ACSS1: variants seen among roughly 807,000 people sequenced by gnomAD.
ACSS1 encodes acyl-CoA synthetase short chain family member 1, also known as acetyl-coenzyme A synthetase 2-like, mitochondrial.
A neutral mutation model predicts 75.3 loss-of-function variants in ACSS1; 42 were observed. The ratio of observed to expected loss-of-function variants is 0.56; its 90% CI spans 0.44 to 0.72. ACSS1 has a LOEUF of 0.72. Among genes scored for constraint, ACSS1 ranks in the 30% least tolerant of loss-of-function variants. The pLI is 0.00. For missense variants in ACSS1, 782 were observed against 935.7 expected, an observed-to-expected ratio of 0.84 and a Z score of 2.14; for synonymous variants, 380 against 376.8, an observed-to-expected ratio of 1.01 and a Z score of -0.10.
At chr20:25,008,639 G>T (rs1418743233) in intron 13 of ACSS1, among the ~76,000 whole-genome samples, 1 of 152,246 alleles carries the variant, frequency 6.6e-6, no homozygotes, top group South Asian at 2.1e-4. Flanking sequence ...ATGAAAAGCC[G>T]GGGGTTGAAG....
Position 25,006,809 on chromosome 20 carries a change from A to T in ACSS1, c.*953T>A. On this transcript the variant is annotated 3_prime_UTR_variant, in exon 14 of 14. Transcript: ENST00000323482. ...GACCTCAGTGGTTCTCACCGCCCCA[A>T]CCACAGAGTGAAGGTCAGGCAGCGT... 1 of 1,534,480 alleles carries T rather than the reference A, an allele frequency of 6.5e-7. No homozygotes were observed. The highest frequency in any genetic ancestry group is 8.7e-7 in the Non-Finnish European group (1 of 1,145,944).
chr20:25,032,744 A>T, intron 2 of ACSS1: 4 of 1,071,276 alleles, frequency 3.7e-6, no homozygotes, highest in Non-Finnish European at 4.5e-6. Context: ...CACCCGGGAA[A>T]CCACAGCAGA....
At chr20:25,023,876 A>T (rs187273929) in intron 3 of ACSS1, among the ~76,000 whole-genome samples, 13 of 152,302 alleles carry the variant, frequency 8.5e-5, no homozygotes, top group South Asian at 8.3e-4. Context: ...GAGATAAATT[A>T]CTTTGAAGCT....
rs1370311880 is a variant in ACSS1, at chr20:25,007,348, A to G, written c.*414T>C. 2 of 1,074,002 alleles carry G rather than the reference A, an allele frequency of 1.9e-6. No individual in the cohort carries two copies. Among genetic ancestry groups the G allele is most frequent in the East Asian group, 1.4e-4 (2 of 14,386 alleles). The allele number at this position is 1,074,002 out of a possible 1,614,324, so 66.5% of individuals were successfully genotyped here. A position where few individuals can be genotyped will look rare whatever the true frequency, so the allele number is the denominator to read the frequency against. On this transcript the variant is annotated 3_prime_UTR_variant, in exon 14 of 14. Coordinates refer to ENST00000323482, the MANE Select transcript of ACSS1 (RefSeq NM_032501.4). Reference sequence around the variant, plus strand: ...TCCACAATATAAAAGTATAAAAATAAGATTTCTGACCTTTGTATCTAGACA... The same window carrying G: ...TCCACAATATAAAAGTATAAAAATAGGATTTCTGACCTTTGTATCTAGACA...
intron 5 of ACSS1, among the ~76,000 whole-genome samples, chr20:25,022,374 A>G (rs2088638263): frequency 6.6e-6 from 1 of 151,674 alleles, no homozygotes; most frequent in East Asian, 1.9e-4. Flanking sequence ...ACAAAACAAA[A>G]CAAAACAAAA....
chr20:25,044,969 CGCG>C (rs1460663256), intron 2 of ACSS1, among the ~76,000 whole-genome samples: 1 of 152,216 alleles, frequency 6.6e-6, no homozygotes, highest in Non-Finnish European at 1.5e-5. Context: ...GGGGCAAAAC[CGCG>C]GCAGGGGAGG....
Position 25,015,154 on chromosome 20 carries a change from G to A in ACSS1, c.1323C>T (p.Asp441=), listed in dbSNP as rs751460946. The change falls in exon 8 of 14, where the codon GAC becomes GAT. Residue 441 remains aspartate, a synonymous_variant. Coordinates refer to ENST00000323482, the MANE Select transcript of ACSS1 (RefSeq NM_032501.4). Reference sequence around the variant, plus strand: ...CCTCCTCACCTGTCTGCCACCAGGTGTCCACCAGCGTGCACCTGCTGTCCC... The same window carrying A: ...CCTCCTCACCTGTCTGCCACCAGGTATCCACCAGCGTGCACCTGCTGTCCC... ...VVGDSRCTLV[D]TWWQTETGGI... is the part of the protein sequence containing the mutation. The A allele has an allele frequency of 6.2e-7, 1 of 1,611,920 alleles. No individual in the cohort carries two copies. Among genetic ancestry groups the A allele is most frequent in the Admixed American group, 1.7e-5 (1 of 59,912 alleles).
intron 7 of ACSS1, among the ~76,000 whole-genome samples, chr20:25,016,032 C>T (rs934883821): frequency 1.3e-5 from 2 of 152,230 alleles, no homozygotes; most frequent in African/African-American, 4.8e-5. Flanking sequence ...ATGTTAGAAA[C>T]CACACACATC....
At chr20:25,012,747 C>A in intron 11 of ACSS1, 65 bp downstream of exon 11, 1 of 1,612,948 alleles carries the variant, frequency 6.2e-7, no homozygotes. Context: ...CCCACCCCAA[C>A]TTGCAGGTCC....
intron 3 of ACSS1, among the ~76,000 whole-genome samples, chr20:25,028,778 G>C (rs80268933): frequency 0.036 from 5,521 of 152,200 alleles, 171 homozygotes; most frequent in African/African-American, 0.079. Flanking sequence ...AAATTAGCTC[G>C]ATGCAGTGGC....
At chr20:25,013,749 C>T (rs1388054682) in intron 9 of ACSS1, 87 bp from the exon 10 acceptor site, 1 of 1,494,942 alleles carries the variant, frequency 6.7e-7, no homozygotes. Context: ...CTCAAGGGAG[C>T]TGTCCATAGC....
At chr20:25,053,356 C>T (rs543174287) in intron 1 of ACSS1, among the ~76,000 whole-genome samples, 4 of 151,984 alleles carry the variant, frequency 2.6e-5, no homozygotes, top group East Asian at 1.9e-4. Flanking sequence ...TGAGCCACGG[C>T]GCCTGGCCCA....
At position 25,041,183 on chromosome 20, in the gene ACSS1, A is replaced by G. The variant is rs569731401; in HGVS notation, c.431+6902T>C. ...TGAGGCAGGAGAATGGCGTGAACCCAGGAGGCGGAGCTTTCAGTGAGCCGA... is the reference window on the plus strand; with the variant it reads ...TGAGGCAGGAGAATGGCGTGAACCCGGGAGGCGGAGCTTTCAGTGAGCCGA... On this transcript the variant is annotated intron_variant, in intron 2 of 13. Transcript: ENST00000323482. Among the ~76,000 whole-genome samples the G allele has an allele frequency of 5.3e-5, 8 of 150,686 alleles. No homozygotes were observed. In the East Asian group the frequency reaches 1.2e-3, roughly 23 times the overall value.
At position 25,006,663 on chromosome 20, in the gene ACSS1, C is replaced by A. The variant is rs921043536; in HGVS notation, c.*1099G>T. On this transcript the variant is annotated 3_prime_UTR_variant, in exon 14 of 14. Transcript: ENST00000323482. ...CCTGCCAACCGCCAGCCCCTGCATG[C>A]CTAGCAGGGAGGTAAGCACCCACTG... 6.5e-6 allele frequency: 5 copies of A among 763,962 alleles called. No homozygotes were observed. The highest frequency in any genetic ancestry group is 1.8e-5 in the African/African-American group (1 of 56,558). 47.3% of individuals were successfully genotyped at this position (763,962 alleles called of 1,614,324 possible).
chr20:25,019,571 C>T (rs112449422), intron 7 of ACSS1, among the ~76,000 whole-genome samples: 34 of 152,138 alleles, frequency 2.2e-4, no homozygotes, highest in East Asian at 1.2e-3. Flanking sequence ...CAGGCTGGAG[C>T]GCAGTGGTGC....
At position 25,007,669 on chromosome 20, in the gene ACSS1, C is replaced by T. The variant is rs754206027; in HGVS notation, c.*93G>A. The T allele has an allele frequency of 9.1e-5, 140 of 1,543,454 alleles. No homozygotes were observed. The highest frequency in any genetic ancestry group is 7.6e-5 in the Non-Finnish European group (87 of 1,147,858). On this transcript the variant is annotated 3_prime_UTR_variant, in exon 14 of 14. Coordinates refer to ENST00000323482, the MANE Select transcript of ACSS1 (RefSeq NM_032501.4). ...TGTGGGGTGGGGGCTGCTTCTGGGA[C>T]GTAGGAAGACGCCAACCTCAGGGGT...
In ACSS1 at chr20:25,007,685, C is replaced by T; in HGVS notation, c.*77G>A. 6.4e-7 allele frequency: 1 copy of T among 1,565,868 alleles called. No individual in the cohort carries two copies. ...CTTCTGGGACGTAGGAAGACGCCAACCTCAGGGGTACCTTCTGGGAAGGAC... is the reference window on the plus strand; with the variant it reads ...CTTCTGGGACGTAGGAAGACGCCAATCTCAGGGGTACCTTCTGGGAAGGAC... On this transcript the variant is annotated 3_prime_UTR_variant, in exon 14 of 14. Coordinates refer to ENST00000323482, the MANE Select transcript of ACSS1 (RefSeq NM_032501.4).
At position 25,006,777 on chromosome 20, in the gene ACSS1, A is replaced by G; in HGVS notation, c.*985T>C. 2 of 1,491,512 alleles carry G rather than the reference A, an allele frequency of 1.3e-6. No individual in the cohort carries two copies. The highest frequency in any genetic ancestry group is 1.8e-6 in the Non-Finnish European group (2 of 1,108,796). 92.4% of individuals were successfully genotyped at this position (1,491,512 alleles called of 1,614,324 possible). ...GACTGGATCCAGACCTCCAAGTCTC[A>G]TCATTGGACCTCAGTGGTTCTCACC... On this transcript the variant is annotated 3_prime_UTR_variant, in exon 14 of 14. Coordinates refer to ENST00000323482, the MANE Select transcript of ACSS1 (RefSeq NM_032501.4).
chr20:25,019,690 A>G (rs915175292), intron 7 of ACSS1, among the ~76,000 whole-genome samples: 7 of 152,214 alleles, frequency 4.6e-5, no homozygotes, highest in African/African-American at 1.2e-4. Flanking sequence ...TGCAGCCACT[A>G]AAGAACTGAC....
Sources: gnomAD v4.1 joint callset for allele counts (sites outside exome capture counted in the v4.1 genomes callset) on GRCh38, gnomAD v4.1.1 for gene constraint, MANE v1.5 for transcripts, NCBI Gene and HGNC (gene_info 2026-07-23, HGNC 2026-07-21) for gene names.